The following NPC1 variants were observed in gnomAD, a reference collection of about 807,000 sequenced individuals.
The protein encoded by NPC1 is NPC intracellular cholesterol transporter 1.
NPC1 carries 85 observed loss-of-function variants against 140.4 expected under a neutral mutation model. That is an observed-to-expected ratio of 0.61 (90% CI 0.51 to 0.72). The LOEUF (loss-of-function observed/expected upper bound fraction) is 0.72, where lower values mean the gene tolerates loss of function less well. Ranked by LOEUF, NPC1 falls within the 30% of genes least tolerant of loss-of-function variation. The pLI, the probability that NPC1 is intolerant of heterozygous loss-of-function variation, is 0.00. For missense variants in NPC1, 1,504 were observed against 1,623.8 expected (o/e 0.93, Z 1.27); for synonymous variants, 656 against 624.8 (o/e 1.05, Z -0.74).
downstream of NPC1, chr18:23,530,100 C>T: frequency 6.2e-7 from 1 of 1,614,194 alleles, no homozygotes; most frequent in Non-Finnish European, 8.5e-7. Flanking sequence ...TCAGTTCCTG[C>T]AGTACCACGT....
At position 23,556,354 on chromosome 18, in the gene NPC1, C is replaced by T. The variant is rs763166048; in HGVS notation, c.1215G>A (p.Thr405=). 5.6e-6 allele frequency: 9 copies of T among 1,613,964 alleles called. No homozygotes were observed. Among genetic ancestry groups the T allele is most frequent in the Admixed American group, 1.7e-5 (1 of 60,000 alleles). ...FDQHFGPFFR[T]EQLIIRAPLT... ...GAGGGGCCCGGATGATGAGCTGCTC[C>T]GTCCGGAAGAAAGGCCCAAAGTGCT... Residue 405 remains threonine (T), a synonymous_variant, in exon 8 of 25, where the codon ACG becomes ACA. Coordinates refer to ENST00000269228, the MANE Select transcript of NPC1 (RefSeq NM_000271.5).
intron 3 of NPC1, chr18:23,516,307 T>C (rs748049630): frequency 1.9e-6 from 3 of 1,613,446 alleles, no homozygotes; most frequent in Non-Finnish European, 2.5e-6. Context: ...TAAAACATTT[T>C]CCCCCTAAAC....
At chr18:23,515,913 T>C in intron 3 of NPC1, 1 of 1,614,136 alleles carries the variant, frequency 6.2e-7, no homozygotes, top group South Asian at 1.1e-5. Context: ...CAATGTGAAT[T>C]GGTACATGTA....
chr18:23,532,991 T>TTC, intron 24 of NPC1: 1 of 970,488 alleles, frequency 1.0e-6, no homozygotes, highest in African/African-American at 1.8e-5. Flanking sequence ...TAAAAAGCTG[T>TTC]TCTGCAGCAC....
Position 23,538,548 on chromosome 18 carries a change from C to T in NPC1, c.3035G>A (p.Gly1012Asp). Reference sequence around the variant, plus strand: ...CAATGGCAGCAGCACTTACCCTTTGCCACACTTGGGGTTAGGGTTATCCGA... The same window carrying T: ...CAATGGCAGCAGCACTTACCCTTTGTCACACTTGGGGTTAGGGTTATCCGA... Reference protein sequence around the residue: ...FLSDNPNPKCGKGGHAAYSSA... With the variant: ...FLSDNPNPKCDKGGHAAYSSA... Residue 1012 changes from glycine to aspartate, a missense_variant, in exon 20 of 25, where the codon GGC becomes GAC. By Grantham distance (94) the Gly-to-Asp change is moderately conservative. Coordinates refer to ENST00000269228, the MANE Select transcript of NPC1 (RefSeq NM_000271.5). 6.2e-7 allele frequency: 1 copy of T among 1,614,152 alleles called. No individual in the cohort carries two copies. The highest frequency in any genetic ancestry group is 8.5e-7 in the Non-Finnish European group (1 of 1,180,022).
intron 4 of NPC1, among the ~76,000 whole-genome samples, chr18:23,563,291 G>A (rs962535551): frequency 3.3e-5 from 5 of 152,182 alleles, no homozygotes; most frequent in African/African-American, 1.2e-4. Context: ...TATCTGAGTT[G>A]TTTCCACAGT....
intron 1 of NPC1, among the ~76,000 whole-genome samples, chr18:23,577,251 T>C (rs1243069817): frequency 7.4e-6 from 1 of 135,110 alleles, no homozygotes; most frequent in African/African-American, 2.9e-5. Context: ...AGATACAGAG[T>C]GCCGATTGGT....
At chr18:23,566,532 G>A (rs113703514) in intron 4 of NPC1, among the ~76,000 whole-genome samples, 2,020 of 152,088 alleles carry the variant, frequency 0.013, 41 homozygotes, top group African/African-American at 0.046. Flanking sequence ...ATCACTTAAG[G>A]CCAGGAGTTC....
At position 23,545,161 on chromosome 18, in the gene NPC1, G is replaced by T; in HGVS notation, c.1758-12C>A. ...CAAAATTAATAAACCTAAAAGGTAA[G>T]CAAAATGTTATATTTTTAGTTAAAC... On this transcript the variant is annotated splice_polypyrimidine_tract_variant and intron_variant, in intron 11 of 24. Coordinates refer to ENST00000269228, the MANE Select transcript of NPC1 (RefSeq NM_000271.5). 1 of 1,584,878 alleles carries T rather than the reference G, an allele frequency of 6.3e-7. No individual in the cohort carries two copies. The highest frequency in any genetic ancestry group is 8.7e-7 in the Non-Finnish European group (1 of 1,153,388).
intron 1 of NPC1, among the ~76,000 whole-genome samples, chr18:23,575,814 T>C (rs1395746458): frequency 8.0e-6 from 1 of 125,586 alleles, no homozygotes; most frequent in African/African-American, 3.1e-5. Flanking sequence ...TGGCTGGAAG[T>C]GGTGGCTCAC....
Position 23,556,283 on chromosome 18 carries a change from A to C in NPC1, c.1286T>G (p.Val429Gly). 2 of 1,614,182 alleles carry C rather than the reference A, an allele frequency of 1.2e-6. No homozygotes were observed. Among genetic ancestry groups the C allele is most frequent in the Non-Finnish European group, 1.7e-6 (2 of 1,180,028 alleles). Reference sequence around the variant, plus strand: ...TATGTCAAGCGGAGGTCCAAAGGGTACATCAGCTCCCGAAGGGTATGGCTG... The same window carrying C: ...TATGTCAAGCGGAGGTCCAAAGGGTCCATCAGCTCCCGAAGGGTATGGCTG... ...IYQPYPSGAD[V>G]PFGPPLDIQI... Residue 429 changes from valine to glycine, a missense_variant, in exon 8 of 25, where the codon GTA becomes GGA. By Grantham distance (109) the Val-to-Gly change is moderately radical. Coordinates refer to ENST00000269228, the MANE Select transcript of NPC1 (RefSeq NM_000271.5).
Position 23,536,810 on chromosome 18 carries a change from C to T in NPC1, c.3108G>A (p.Thr1036=), listed in dbSNP as rs530175301. 3.7e-6 allele frequency: 6 copies of T among 1,614,026 alleles called. No homozygotes were observed. Among genetic ancestry groups the T allele is most frequent in the Non-Finnish European group, 5.1e-6 (6 of 1,180,024 alleles). Reference sequence around the variant, plus strand: ...GCACGGTGTGGTAGGTCATGAAGTACGTGGCTCCGACCCTGGTGCCATGGC... The same window carrying T: ...GCACGGTGTGGTAGGTCATGAAGTATGTGGCTCCGACCCTGGTGCCATGGC... ...LLGHGTRVGA[T]YFMTYHTVLQ... is the part of the protein sequence containing the mutation. The change falls in exon 21 of 25, where the codon ACG becomes ACA. Residue 1036 remains threonine, a synonymous_variant. Coordinates refer to ENST00000269228, the MANE Select transcript of NPC1 (RefSeq NM_000271.5).
chr18:23,506,896 C>T, intron 3 of NPC1: 1 of 1,044,240 alleles, frequency 9.6e-7, no homozygotes, highest in Non-Finnish European at 1.5e-6. Flanking sequence ...TAGATTGTGT[C>T]TTTTGCCTTT....
chr18:23,562,033 T>C (rs1300145941), intron 4 of NPC1, among the ~76,000 whole-genome samples: 1 of 152,190 alleles, frequency 6.6e-6, no homozygotes, highest in Non-Finnish European at 1.5e-5. Flanking sequence ...CTCACACCTG[T>C]AATTCCAGCA....
chr18:23,554,780 T>C lies in NPC1; in HGVS notation c.1531A>G (p.Thr511Ala), dbSNP rs1555636594. The C allele has an allele frequency of 6.2e-7, 1 of 1,613,920 alleles. No homozygotes were observed. The highest frequency in any genetic ancestry group is 1.7e-4 in the Middle Eastern group (1 of 6,058). Residue 511 changes from threonine (T) to alanine (A), a missense_variant, in exon 9 of 25, where the codon ACG becomes GCG. Physicochemically the swap from Thr to Ala is moderately conservative, Grantham distance 58 (BLOSUM62 0). Coordinates refer to ENST00000269228, the MANE Select transcript of NPC1 (RefSeq NM_000271.5). ...DDFFVYADYH[T>A]HFLYCVRAPA... Reference sequence around the variant, plus strand: ...TACCGTACGCAGTACAGAAAGTGCGTGTGGTAATCGGCATACACAAAGAAG... The same window carrying C: ...TACCGTACGCAGTACAGAAAGTGCGCGTGGTAATCGGCATACACAAAGAAG...
chr18:23,571,094 G>A (rs2059195327), intron 3 of NPC1, among the ~76,000 whole-genome samples: 1 of 152,192 alleles, frequency 6.6e-6, no homozygotes, highest in South Asian at 2.1e-4. Context: ...ACCCTGCAGG[G>A]TGAGAACATC....
chr18:23,569,121 A>C (rs775849057), intron 3 of NPC1, 123 bp from the exon 4 acceptor site: 5 of 715,094 alleles, frequency 7.0e-6, no homozygotes, highest in Non-Finnish European at 1.2e-5. Flanking sequence ...AAGAGAACAT[A>C]TTAAAAACCA....
In NPC1 at chr18:23,536,402, T is replaced by G. The variant is rs2058631742; in HGVS notation, c.3245+271A>C. Among the ~76,000 whole-genome samples the G allele has an allele frequency of 2.0e-5, 3 of 152,206 alleles. No homozygotes were observed. In the South Asian group the frequency reaches 6.2e-4, roughly 32 times the overall value. ...CCTGCTCTCCAAGCGCCCCCTGCCT[T>G]AAGCCATTTTCCAGTGTGTGTCTCT... is the stretch of plus-strand genomic sequence containing the variant. On this transcript the variant is annotated intron_variant, in intron 21 of 24. Transcript: ENST00000269228.
At chr18:23,548,405 T>C (rs1316189400) in intron 10 of NPC1, among the ~76,000 whole-genome samples, 1 of 151,032 alleles carries the variant, frequency 6.6e-6, no homozygotes, top group African/African-American at 2.5e-5. Context: ...AACAGAAAAG[T>C]GTTTATCGAA....
Sources: allele counts gnomAD v4.1 joint callset (sites outside exome capture counted in the v4.1 genomes callset), GRCh38; gene constraint gnomAD v4.1.1; transcripts MANE v1.5; gene names NCBI Gene and HGNC (gene_info 2026-07-23, HGNC 2026-07-21).